Variants in SLC36A1 observed in about 807,000 individuals in gnomAD.
SLC36A1 encodes solute carrier family 36 member 1.
SLC36A1 carries 30 observed loss-of-function variants against 47.5 expected under a neutral mutation model. That is an observed-to-expected ratio of 0.63 (90% CI 0.47 to 0.86). The LOEUF is 0.86. Ranked by LOEUF, SLC36A1 falls within the 40% of genes least tolerant of loss-of-function variation. SLC36A1 has a pLI of 0.00. For synonymous variants in SLC36A1, 255 were observed against 249.7 expected, an observed-to-expected ratio of 1.02 and a Z score of -0.20; for missense variants, 517 against 606.0, an observed-to-expected ratio of 0.85 and a Z score of 1.54.
At chr5:151,349,796 G>A in the SLC36A1 span, among the ~76,000 whole-genome samples, 875 of 152,294 alleles carry the variant, frequency 5.7e-3, 10 homozygotes, top group African/African-American at 0.02. Flanking sequence ...AAAACGTGGT[G>A]TGTATCAAAG....
At chr5:151,544,502 C>T in the SLC36A1 span, 2 of 1,614,034 alleles carry the variant, frequency 1.2e-6, no homozygotes, top group South Asian at 1.1e-5. Flanking sequence ...GGTTCTTCCT[C>T]CACAATGTTG....
At chr5:151,513,517 C>G in the SLC36A1 span, among the ~76,000 whole-genome samples, 1 of 152,182 alleles carries the variant, frequency 6.6e-6, no homozygotes, top group East Asian at 1.9e-4. Context: ...ACCACATGTT[C>G]TCACTTACAA....
At chr5:151,545,203 G>T in the SLC36A1 span, 3 of 1,614,184 alleles carry the variant, frequency 1.9e-6, no homozygotes, top group Non-Finnish European at 2.5e-6. Flanking sequence ...CTTCACAGCT[G>T]CCCAGTAGAC....
At chr5:151,372,950 C>G in the SLC36A1 span, among the ~76,000 whole-genome samples, 48 of 151,764 alleles carry the variant, frequency 3.2e-4, no homozygotes, top group Non-Finnish European at 6.3e-4. Flanking sequence ...CAGAATGTGG[C>G]AAAAGAAATA....
intron 10 of SLC36A1, among the ~76,000 whole-genome samples, chr5:151,484,384 T>C (rs1448794336): frequency 6.6e-6 from 1 of 152,186 alleles, no homozygotes; most frequent in East Asian, 1.9e-4. Flanking sequence ...CCGAGTGGGT[T>C]AGAAGCTCCC....
At chr5:151,500,363 TTTGTTGTTG>T in the SLC36A1 span, among the ~76,000 whole-genome samples, 1 of 151,656 alleles carries the variant, frequency 6.6e-6, no homozygotes, top group Admixed American at 6.6e-5. Flanking sequence ...TCATTAGGGT[TTTGTTGTTG>T]TTGTTGTTGT....
chr5:151,484,997 G>C (rs1271327698), intron 10 of SLC36A1, among the ~76,000 whole-genome samples: 1 of 152,160 alleles, frequency 6.6e-6, no homozygotes, highest in African/African-American at 2.4e-5. Context: ...GAGAGGGCAA[G>C]TGTCTTGGTG....
chr5:151,522,223 T>A, the SLC36A1 span: 1 of 619,816 alleles, frequency 1.6e-6, no homozygotes, highest in Non-Finnish European at 2.6e-6. Flanking sequence ...CATTGTTGCA[T>A]TTAGAAAAAA....
At chr5:151,515,436 T>C in the SLC36A1 span, among the ~76,000 whole-genome samples, 1 of 152,208 alleles carries the variant, frequency 6.6e-6, no homozygotes, top group African/African-American at 2.4e-5. Context: ...ATCTCCAGCA[T>C]AGACCCCTCA....
chr5:151,512,273 C>T, the SLC36A1 span: 16 of 1,614,226 alleles, frequency 9.9e-6, no homozygotes, highest in Non-Finnish European at 1.3e-5. This position sits in a 1 kb window ranked among gnomAD's most constrained non-coding sequence, Gnocchi z 4.1. Context: ...AGCAAGCCTG[C>T]CACCGTCTTG....
At chr5:151,483,172 G>A (rs1759040521) in intron 10 of SLC36A1, among the ~76,000 whole-genome samples, 2 of 152,186 alleles carry the variant, frequency 1.3e-5, no homozygotes, top group Admixed American at 6.5e-5. Context: ...TCGTAAGTTC[G>A]CTTTTGTTCT....
chr5:151,425,722 CTT>C, the SLC36A1 span, among the ~76,000 whole-genome samples: 1 of 152,138 alleles, frequency 6.6e-6, no homozygotes, highest in Non-Finnish European at 1.5e-5. Context: ...CACAGCCTGA[CTT>C]TTCTCTTCAG....
the SLC36A1 span, among the ~76,000 whole-genome samples, chr5:151,550,268 T>C: frequency 6.6e-6 from 1 of 152,200 alleles, no homozygotes; most frequent in African/African-American, 2.4e-5. Context: ...AGAGGCTCTG[T>C]GTCCCTTCCA....
chr5:151,410,176 C>T, the SLC36A1 span, among the ~76,000 whole-genome samples: 1 of 152,116 alleles, frequency 6.6e-6, no homozygotes, highest in African/African-American at 2.4e-5. Context: ...AGGCTCCTGT[C>T]TGAGGGCAGG....
At chr5:151,460,540 A>G (rs1467985101) in intron 2 of SLC36A1, among the ~76,000 whole-genome samples, 4 of 152,132 alleles carry the variant, frequency 2.6e-5, no homozygotes, top group Non-Finnish European at 5.9e-5. Context: ...GATACAGTGT[A>G]GGTGACCAGG....
the SLC36A1 span, among the ~76,000 whole-genome samples, chr5:151,430,047 T>C: frequency 6.6e-6 from 1 of 152,166 alleles, no homozygotes; most frequent in Non-Finnish European, 1.5e-5. Context: ...TTTACTGAGC[T>C]CCTTGTGCTC....
rs759330080 is a variant in SLC36A1, at chr5:151,458,948, T to TA, written c.143+14dup. The TA allele has an allele frequency of 1.3e-5, 20 of 1,598,892 alleles. No homozygotes were observed. In the East Asian group the frequency reaches 3.8e-4, roughly 30 times the overall value. On this transcript the variant is annotated intron_variant, in intron 2 of 10. Coordinates refer to ENST00000243389, the MANE Select transcript of SLC36A1 (RefSeq NM_078483.4). Reference sequence around the variant, plus strand: ...GCAATAGCACAACGTGAGTAGCTGTTACCTTCTCCTCTCCTGGGTGGGATT... The same window carrying TA: ...GCAATAGCACAACGTGAGTAGCTGTTAACCTTCTCCTCTCCTGGGTGGGATT...
the SLC36A1 span, among the ~76,000 whole-genome samples, chr5:151,548,464 A>G: frequency 6.6e-6 from 1 of 152,138 alleles, no homozygotes; most frequent in African/African-American, 2.4e-5. Flanking sequence ...TAATATTTCA[A>G]TTTACAACAT....
At chr5:151,550,129 C>T in the SLC36A1 span, among the ~76,000 whole-genome samples, 3 of 152,024 alleles carry the variant, frequency 2.0e-5, no homozygotes, top group Non-Finnish European at 4.4e-5. Context: ...AAGTAGGGTG[C>T]AAAATTTAAA....
Sources: allele counts gnomAD v4.1 joint callset (sites outside exome capture counted in the v4.1 genomes callset), GRCh38; gene constraint gnomAD v4.1.1; non-coding constraint Gnocchi (gnomAD v3.1); transcripts MANE v1.5; gene names NCBI Gene and HGNC (gene_info 2026-07-23, HGNC 2026-07-21).